The following NRXN3 variants were observed in gnomAD, a reference collection of about 807,000 sequenced individuals.
NRXN3 encodes neurexin III.
NRXN3 carries 32 observed loss-of-function variants against 137.6 expected under a neutral mutation model. The ratio of observed to expected loss-of-function variants is 0.23; its 90% CI spans 0.18 to 0.31. The LOEUF (loss-of-function observed/expected upper bound fraction) is 0.31, where lower values mean the gene tolerates loss of function less well. NRXN3 is among the 10% of genes least tolerant of loss of function. NRXN3 has a pLI of 1.00. For synonymous variants in NRXN3, 798 were observed against 784.5 expected (o/e 1.02, Z -0.29); for missense variants, 1,574 against 2,062.5 (o/e 0.76, Z 4.59).
At chr14:79,207,683 A>C (rs1568607004) in intron 15 of NRXN3, among the ~76,000 whole-genome samples, 2 of 152,230 alleles carry the variant, frequency 1.3e-5, no homozygotes, top group East Asian at 3.9e-4. Flanking sequence ...TTTCTGCCAC[A>C]ACCTACCACT....
At chr14:78,314,682 C>T (rs753543554) in intron 4 of NRXN3, among the ~76,000 whole-genome samples, 8 of 152,164 alleles carry the variant, frequency 5.3e-5, no homozygotes, top group Non-Finnish European at 1.0e-4. Flanking sequence ...CTGGTGGCTA[C>T]AGTGACAGTC....
At chr14:78,283,494 C>T (rs1028097537) in intron 3 of NRXN3, 10 of 151,994 alleles carry the variant, frequency 6.6e-5, no homozygotes, top group Non-Finnish European at 1.3e-4. Flanking sequence ...TTCCTTTATG[C>T]ATTGTCTCTG....
At chr14:79,669,938 G>A (rs1318220055) in intron 17 of NRXN3, among the ~76,000 whole-genome samples, 1 of 152,042 alleles carries the variant, frequency 6.6e-6, no homozygotes, top group Non-Finnish European at 1.5e-5. Flanking sequence ...TCACTGATAT[G>A]TAGAAGCTAA....
At position 78,321,123 on chromosome 14, in the gene NRXN3, A is replaced by G. The variant is rs377010259; in HGVS notation, c.757+23263A>G. The stretch of plus-strand genomic sequence containing the variant: ...GAGCGAGACTTCATTTCAAAAAAAA[A>G]AGAAAAAAGAAAAAGAAAAAAGATC... On this transcript the variant is annotated intron_variant, in intron 4 of 20. Transcript: ENST00000335750. 1.8e-4 allele frequency among the ~76,000 whole-genome samples: 28 copies of G among 151,910 alleles called. 1 individual carries two copies. Among genetic ancestry groups the G allele is most frequent in the African/African-American group, 6.8e-4 (28 of 41,310 alleles).
chr14:79,754,402 G>A (rs548668771), intron 19 of NRXN3, among the ~76,000 whole-genome samples: 6 of 150,018 alleles, frequency 4.0e-5, no homozygotes, highest in Non-Finnish European at 8.9e-5. Context: ...CAAATACTGT[G>A]CCATTAGGGA....
intron 11 of NRXN3, among the ~76,000 whole-genome samples, chr14:78,961,453 T>C (rs997776254): frequency 6.6e-6 from 1 of 151,984 alleles, no homozygotes; most frequent in Non-Finnish European, 1.5e-5. Flanking sequence ...TGGCCTCTAC[T>C]TAAAAAGAGC....
chr14:79,862,882 G>C lies in NRXN3; in HGVS notation c.*918G>C, dbSNP rs148494262. ...GTGTTATCAGAGCTATTGGCTTTAC[G>C]TAACAATATTGTTCCTGTCCATTCA... On this transcript the variant is annotated 3_prime_UTR_variant, in exon 21 of 21. Coordinates refer to ENST00000335750, the MANE Select transcript of NRXN3 (RefSeq NM_001330195.2). 2 of 152,398 alleles carry C rather than the reference G, an allele frequency of 1.3e-5. No homozygotes were observed. Among genetic ancestry groups the C allele is most frequent in the African/African-American group, 4.8e-5 (2 of 41,440 alleles). The allele number at this position is 152,398 out of a possible 1,614,324, so 9.4% of individuals were successfully genotyped here. A position where few individuals can be genotyped will look rare whatever the true frequency, so the allele number is the denominator to read the frequency against.
At chr14:79,488,732 G>C (rs2096681443) in intron 16 of NRXN3, among the ~76,000 whole-genome samples, 1 of 152,052 alleles carries the variant, frequency 6.6e-6, no homozygotes, top group South Asian at 2.1e-4. Flanking sequence ...TTCATATCTA[G>C]GTGTCTTAAA....
At chr14:78,880,751 T>C (rs1285432836) in intron 10 of NRXN3, among the ~76,000 whole-genome samples, 2 of 152,166 alleles carry the variant, frequency 1.3e-5, no homozygotes, top group Non-Finnish European at 2.9e-5. Context: ...TGTGTATATA[T>C]AAGTGTTATG....
At chr14:79,393,509 C>T (rs2094921269) in intron 15 of NRXN3, among the ~76,000 whole-genome samples, 1 of 152,054 alleles carries the variant, frequency 6.6e-6, no homozygotes, top group Non-Finnish European at 1.5e-5. Context: ...ATTTAATAGA[C>T]TATTAAGAGG....
chr14:79,777,532 T>C (rs548170780), intron 19 of NRXN3, among the ~76,000 whole-genome samples: 31 of 151,468 alleles, frequency 2.0e-4, no homozygotes, highest in African/African-American at 7.5e-4. Flanking sequence ...AAACCTAAAG[T>C]AATATAGAAG....
At chr14:79,107,787 C>T (rs781613072) in intron 15 of NRXN3, among the ~76,000 whole-genome samples, 6 of 151,836 alleles carry the variant, frequency 4.0e-5, no homozygotes, top group Non-Finnish European at 8.8e-5. Context: ...TAGTGTTTGC[C>T]GAGATGGAGA....
intron 4 of NRXN3, among the ~76,000 whole-genome samples, chr14:78,381,113 C>T (rs550443221): frequency 6.6e-6 from 1 of 152,062 alleles, no homozygotes; most frequent in Non-Finnish European, 1.5e-5. Flanking sequence ...AAAAAATGAA[C>T]CTCAACCTAA....
intron 1 of NRXN3, among the ~76,000 whole-genome samples, chr14:78,179,258 G>C (rs1019883393): frequency 6.6e-6 from 1 of 152,052 alleles, no homozygotes; most frequent in Non-Finnish European, 1.5e-5. Flanking sequence ...GGGAATGAGC[G>C]GGATCCCCCA....
At chr14:78,494,129 G>A (rs1370406956) in intron 4 of NRXN3, among the ~76,000 whole-genome samples, 1 of 152,188 alleles carries the variant, frequency 6.6e-6, no homozygotes, top group East Asian at 1.9e-4. Context: ...ATCCATAGCA[G>A]AGATGCTTTC....
At chr14:79,130,748 T>C (rs948790885) in intron 15 of NRXN3, among the ~76,000 whole-genome samples, 60 of 152,308 alleles carry the variant, frequency 3.9e-4, no homozygotes, top group African/African-American at 6.3e-4. Flanking sequence ...TGGGGAAGTT[T>C]TCCTGGATAA....
Position 78,952,709 on chromosome 14 carries a change from A to G in NRXN3, c.2276-4533A>G, listed in dbSNP as rs138968091. Among the ~76,000 whole-genome samples the G allele has an allele frequency of 3.2e-4, 48 of 152,278 alleles. No homozygotes were observed. The East Asian group carries it at 9.2e-3, about 29-fold the overall frequency. On this transcript the variant is annotated intron_variant, in intron 10 of 20. Coordinates refer to ENST00000335750, the MANE Select transcript of NRXN3 (RefSeq NM_001330195.2). ...CGCCTTTCTAAAGAGGGTAATTTTC[A>G]TATATTTTATGCATTGTAGAAATTT...
chr14:79,341,221 G>T (rs1461975501), intron 15 of NRXN3, among the ~76,000 whole-genome samples: 1 of 152,114 alleles, frequency 6.6e-6, no homozygotes, highest in Non-Finnish European at 1.5e-5. Context: ...ACATTTACAG[G>T]TAGGGCGGTG....
At chr14:79,629,523 T>G (rs1011470620) in intron 16 of NRXN3, among the ~76,000 whole-genome samples, 13 of 152,170 alleles carry the variant, frequency 8.5e-5, no homozygotes, top group Non-Finnish European at 1.8e-4. Flanking sequence ...TGTTGAACTT[T>G]TCAGGGTATC....
Sources: gnomAD v4.1 joint callset for allele counts (sites outside exome capture counted in the v4.1 genomes callset) on GRCh38, gnomAD v4.1.1 for gene constraint, MANE v1.5 for transcripts, NCBI Gene and HGNC (gene_info 2026-07-23, HGNC 2026-07-21) for gene names.